SHROOM3: variants seen among roughly 807,000 people sequenced by gnomAD.
The protein encoded by SHROOM3 is protein Shroom3.
In SHROOM3, 47 loss-of-function variants were observed where a neutral mutation model predicts 138.6. That is an observed-to-expected ratio of 0.34 (90% CI 0.27 to 0.43). The LOEUF is 0.43. Ranked by LOEUF, SHROOM3 falls within the 20% of genes least tolerant of loss-of-function variation. The pLI is 1.00. For synonymous variants in SHROOM3, 1,062 were observed against 1,063.3 expected, an observed-to-expected ratio of 1.00 and a Z score of 0.02; for missense variants, 2,491 against 2,596.5, an observed-to-expected ratio of 0.96 and a Z score of 0.88.
chr4:76,741,108 C>T lies in SHROOM3; in HGVS notation c.2935C>T (p.Pro979Ser), dbSNP rs1327010562. 1.3e-6 allele frequency: 2 copies of T among 1,549,236 alleles called. No homozygotes were observed. The highest frequency in any genetic ancestry group is 1.2e-5 in the South Asian group (1 of 84,190). ...CCCCGAGGCGTCGGCCTCCGCCTCC[C>T]CGCACACGCCCCGGGAGCGGCACAG... The part of the protein sequence containing the change: ...RSPEASASAS[P>S]HTPRERHSVT... The change falls in exon 5 of 11, where the codon CCG (proline) becomes TCG (serine). Residue 979 changes from proline (P) to serine (S), a missense_variant. Pro to Ser is a moderately conservative substitution (Grantham distance 74, BLOSUM62 -1). This residue lies in a region of SHROOM3 where 1,733 missense variants were observed against 1,661.6 expected (regional missense o/e 1.04). Coordinates refer to ENST00000296043, the MANE Select transcript of SHROOM3 (RefSeq NM_020859.4). The surrounding 1 kb of genome is among the most constrained non-coding windows in gnomAD (Gnocchi z 6.2).
At chr4:76,550,708 T>C (rs1247676027) in intron 1 of SHROOM3, among the ~76,000 whole-genome samples, 1 of 152,066 alleles carries the variant, frequency 6.6e-6, no homozygotes. Flanking sequence ...TTCAAAAACG[T>C]CATCCCATGG....
At chr4:76,531,407 T>C (rs1732826272) in intron 1 of SHROOM3, among the ~76,000 whole-genome samples, 1 of 152,272 alleles carries the variant, frequency 6.6e-6, no homozygotes, top group South Asian at 2.1e-4. Flanking sequence ...CTCACACTGG[T>C]GACTTTCTTA....
At chr4:76,758,064 T>C (rs896540471) in intron 8 of SHROOM3, 5 of 152,228 alleles carry the variant, frequency 3.3e-5, no homozygotes, top group African/African-American at 9.6e-5. Flanking sequence ...ATTTGTCACA[T>C]TGTCAGAGGC....
At chr4:76,543,142 G>T (rs1469775526) in intron 1 of SHROOM3, among the ~76,000 whole-genome samples, 1 of 152,212 alleles carries the variant, frequency 6.6e-6, no homozygotes, top group African/African-American at 2.4e-5. Flanking sequence ...CTAGTGGGGG[G>T]CACAGTCAAG....
intron 10 of SHROOM3, among the ~76,000 whole-genome samples, chr4:76,775,839 A>G (rs930973720): frequency 4.0e-5 from 6 of 151,692 alleles, no homozygotes; most frequent in Non-Finnish European, 7.4e-5. Flanking sequence ...ACACATACAT[A>G]TATACACACA....
intron 1 of SHROOM3, among the ~76,000 whole-genome samples, chr4:76,541,569 G>C (rs962507222): frequency 1.3e-5 from 2 of 151,782 alleles, no homozygotes; most frequent in African/African-American, 4.8e-5. Flanking sequence ...GAATTCATAA[G>C]AGGGAAAAAA....
Position 76,749,005 on chromosome 4 carries a change from T to C in SHROOM3, c.3754-12T>C, listed in dbSNP as rs1208105258. On this transcript the variant is annotated splice_polypyrimidine_tract_variant and intron_variant, in intron 5 of 10. Coordinates refer to ENST00000296043, the MANE Select transcript of SHROOM3 (RefSeq NM_020859.4). ...TATTGGCAGTAATGCTGTGCCTTTC[T>C]TGTGTTTCAAGGATGTGCTTTTGGG... The C allele has an allele frequency of 1.2e-6, 2 of 1,613,618 alleles. No individual in the cohort carries two copies. Among genetic ancestry groups the C allele is most frequent in the African/African-American group, 1.3e-5 (1 of 74,898 alleles).
chr4:76,735,004 ACT>A (rs1720993548), intron 4 of SHROOM3, among the ~76,000 whole-genome samples: 1 of 152,014 alleles, frequency 6.6e-6, no homozygotes, highest in Non-Finnish European at 1.5e-5. Flanking sequence ...GAGTACAAAG[ACT>A]CTGAGACCCT....
intron 3 of SHROOM3, among the ~76,000 whole-genome samples, chr4:76,714,890 G>A (rs899369295): frequency 2.6e-5 from 4 of 151,934 alleles, no homozygotes; most frequent in African/African-American, 9.7e-5. Flanking sequence ...TTATTTTGTT[G>A]TTCAAATGGA....
At chr4:76,441,181 G>A (rs1439283471) in intron 1 of SHROOM3, among the ~76,000 whole-genome samples, 1 of 133,830 alleles carries the variant, frequency 7.5e-6, no homozygotes, top group Non-Finnish European at 1.5e-5. Context: ...TGCAAGCTCC[G>A]CCTCCTGGGT....
chr4:76,730,176 G>T (rs1356117680), intron 3 of SHROOM3, among the ~76,000 whole-genome samples: 1 of 152,218 alleles, frequency 6.6e-6, no homozygotes, highest in Non-Finnish European at 1.5e-5. Context: ...TCTTTGTGTT[G>T]TAAGGGCAGG....
At chr4:76,599,263 T>C (rs1037763849) in intron 2 of SHROOM3, among the ~76,000 whole-genome samples, 7 of 152,156 alleles carry the variant, frequency 4.6e-5, no homozygotes, top group African/African-American at 1.7e-4. Context: ...AGGGCTTCAG[T>C]AGTAGCTTTT....
At chr4:76,681,821 GA>G (rs1394043570) in intron 2 of SHROOM3, among the ~76,000 whole-genome samples, 1 of 151,978 alleles carries the variant, frequency 6.6e-6, no homozygotes, top group African/African-American at 2.4e-5. Flanking sequence ...AAGATTGGTG[GA>G]AGGTATAACA....
chr4:76,749,745 A>C (rs758671762), intron 6 of SHROOM3, among the ~76,000 whole-genome samples: 4 of 152,232 alleles, frequency 2.6e-5, no homozygotes, highest in Admixed American at 1.3e-4. Flanking sequence ...TCAAAATCAT[A>C]TATCCTGGGT....
chr4:76,746,438 T>C (rs1721437713), intron 5 of SHROOM3, among the ~76,000 whole-genome samples: 1 of 152,222 alleles, frequency 6.6e-6, no homozygotes. Context: ...AGTAATATGC[T>C]GTAACAGGTT....
chr4:76,498,460 G>C (rs1363198873), intron 1 of SHROOM3, among the ~76,000 whole-genome samples: 2 of 152,024 alleles, frequency 1.3e-5, no homozygotes, highest in Non-Finnish European at 2.9e-5. Flanking sequence ...GGAGGAGAGA[G>C]CTCGTCCTCT....
chr4:76,642,344 C>T (rs555138394), intron 2 of SHROOM3, among the ~76,000 whole-genome samples: 5 of 152,198 alleles, frequency 3.3e-5, no homozygotes, highest in South Asian at 2.1e-4. Context: ...AGGATGACTG[C>T]GATTGGGTCT....
At chr4:76,645,703 G>A (rs1735798172) in intron 2 of SHROOM3, 1 of 152,086 alleles carries the variant, frequency 6.6e-6, no homozygotes, top group Non-Finnish European at 1.5e-5. Flanking sequence ...TGCTAGGAAA[G>A]CCAATACAAA....
intron 2 of SHROOM3, chr4:76,586,409 A>T (rs1734156762): frequency 2.0e-6 from 2 of 985,462 alleles, no homozygotes; most frequent in Admixed American, 6.1e-5. Flanking sequence ...GTCACGCAGG[A>T]CAGAAATGAC....
Sources: gnomAD v4.1 joint callset for allele counts (sites outside exome capture counted in the v4.1 genomes callset) on GRCh38, gnomAD v4.1.1 for gene constraint, gnomAD v4.1.1 regional missense constraint, Gnocchi (gnomAD v3.1) non-coding constraint, MANE v1.5 for transcripts, NCBI Gene and HGNC (gene_info 2026-07-23, HGNC 2026-07-21) for gene names.